GPAT4: variants seen among roughly 807,000 people sequenced by gnomAD.
GPAT4 encodes 1-AGP acyltransferase 6.
GPAT4 carries 17 observed loss-of-function variants against 58.0 expected under a neutral mutation model. That is an observed-to-expected ratio of 0.29 (90% CI 0.20 to 0.44). GPAT4 has a LOEUF of 0.44. GPAT4 is among the 20% of genes least tolerant of loss of function. The pLI is 1.00. For missense variants in GPAT4, 377 were observed against 574.5 expected, an observed-to-expected ratio of 0.66 and a Z score of 3.51; for synonymous variants, 204 against 210.1, an observed-to-expected ratio of 0.97 and a Z score of 0.25.
At chr8:41,603,747 C>T (rs1337394669) in intron 2 of GPAT4, among the ~76,000 whole-genome samples, 1 of 152,084 alleles carries the variant, frequency 6.6e-6, no homozygotes, top group Non-Finnish European at 1.5e-5. Flanking sequence ...TCTCAGGCCG[C>T]TTGCCCCTGG....
chr8:41,610,579 A>C (rs1446904553), intron 4 of GPAT4, 157 bp from the exon 5 acceptor site: 1 of 1,523,556 alleles, frequency 6.6e-7, no homozygotes, highest in Non-Finnish European at 8.8e-7. Context: ...TGGTTCTGAT[A>C]GGCCTGCTTA....
intron 1 of GPAT4, among the ~76,000 whole-genome samples, chr8:41,595,966 A>G (rs1314115689): frequency 1.3e-5 from 2 of 152,060 alleles, no homozygotes; most frequent in African/African-American, 4.8e-5. Context: ...CCAAGTGTCT[A>G]TGAACAGGAA....
In GPAT4 at chr8:41,599,002, G is replaced by A. The variant is rs905943273; in HGVS notation, c.-138G>A. On this transcript the variant is annotated 5_prime_UTR_variant, in exon 2 of 13. It adds an upstream start codon to the 5' untranslated region. Transcript: ENST00000396987. ...GGCCTTCTATTCAGGCGGTTGAAGG[G>A]TGTGGACTTTGGAATGGGGTTTGCT... The A allele has an allele frequency of 2.1e-5, 25 of 1,165,602 alleles. No homozygotes were observed. Among genetic ancestry groups the A allele is most frequent in the Non-Finnish European group, 2.5e-5 (21 of 825,136 alleles). The allele number at this position is 1,165,602 out of a possible 1,614,324, so 72.2% of individuals were successfully genotyped here. A position where few individuals can be genotyped will look rare whatever the true frequency, so the allele number is the denominator to read the frequency against.
chr8:41,587,285 T>G (rs755618233), intron 1 of GPAT4, among the ~76,000 whole-genome samples: 8 of 152,188 alleles, frequency 5.3e-5, no homozygotes, highest in Non-Finnish European at 1.2e-4. Flanking sequence ...GCTCCAGCCA[T>G]TTCAGAGGCA....
At chr8:41,617,817 G>A (rs906045965) in intron 10 of GPAT4, among the ~76,000 whole-genome samples, 17 of 152,188 alleles carry the variant, frequency 1.1e-4, no homozygotes, top group African/African-American at 4.1e-4. Flanking sequence ...TCAGCCTACT[G>A]CCTTGTGTAC....
intron 1 of GPAT4, among the ~76,000 whole-genome samples, chr8:41,588,442 AGTTCT>A (rs57409442): frequency 4.6e-5 from 7 of 151,342 alleles, no homozygotes; most frequent in South Asian, 4.2e-4. Context: ...ATTTAAATTA[AGTTCT>A]GTTCTGTTCT....
Position 41,620,346 on chromosome 8 carries a change from C to CT in GPAT4, c.1263-546dup, listed in dbSNP as rs1391582837. Among the ~76,000 whole-genome samples the CT allele has an allele frequency of 3.9e-5, 6 of 152,280 alleles. No individual in the cohort carries two copies. The South Asian group carries it at 1.0e-3, about 26-fold the overall frequency. On this transcript the variant is annotated intron_variant, in intron 12 of 12. Coordinates refer to ENST00000396987, the MANE Select transcript of GPAT4 (RefSeq NM_178819.4). The stretch of plus-strand genomic sequence containing the variant: ...GCACGGGGGCAGTGAGGCTGGAACT[C>CT]TGAGAGGCAGCCCCGGAGGTAAACC...
chr8:41,614,534 T>C, intron 9 of GPAT4, 93 bp downstream of exon 9: 2 of 1,290,940 alleles, frequency 1.5e-6, no homozygotes, highest in Non-Finnish European at 2.2e-6. Context: ...TCAGCCCTTG[T>C]TGGGGTTATC....
intron 12 of GPAT4, 48 bp downstream of exon 12, chr8:41,619,025 T>A: frequency 6.3e-7 from 1 of 1,592,284 alleles, no homozygotes; most frequent in Non-Finnish European, 8.6e-7. Context: ...CAGCAGATGC[T>A]GTGTCATTGA....
chr8:41,615,119 A>G, intron 10 of GPAT4, 71 bp downstream of exon 10: 2 of 1,395,122 alleles, frequency 1.4e-6, no homozygotes, highest in South Asian at 2.4e-5. Flanking sequence ...AGGAGGAGGT[A>G]GAGGAAGGAG....
chr8:41,614,327 A>G (rs375783931), intron 8 of GPAT4, 59 bp from the exon 9 acceptor site: 207 of 1,411,218 alleles, frequency 1.5e-4, no homozygotes, highest in Middle Eastern at 1.8e-4. Context: ...ATTTATAAAC[A>G]TATTTTGACG....
Position 41,618,981 on chromosome 8 carries a change from A to G in GPAT4, c.1262+4A>G. ...GAGGACTTGTGGACCTGCTGTGGTA[A>G]GTTTAGAGCCAGGCCTTTTCAGCTG... On this transcript the variant is annotated splice_donor_region_variant and intron_variant, in intron 12 of 12. Coordinates refer to ENST00000396987, the MANE Select transcript of GPAT4 (RefSeq NM_178819.4). 2 of 1,614,204 alleles carry G rather than the reference A, an allele frequency of 1.2e-6. No individual in the cohort carries two copies. The highest frequency in any genetic ancestry group is 1.7e-6 in the Non-Finnish European group (2 of 1,180,026).
In GPAT4 at chr8:41,623,838, CT is replaced by C. The variant is rs560229283; in HGVS notation, c.*2852del. On this transcript the variant is annotated 3_prime_UTR_variant, in exon 13 of 13. Coordinates refer to ENST00000396987, the MANE Select transcript of GPAT4 (RefSeq NM_178819.4). ...GACTTTCCACCCACCAGTTAGGGAA[CT>C]TTTTTTTTTTTTTTAAACACGGAGT... The C allele has an allele frequency of 0.062, 8,964 of 144,228 alleles. 309 individuals carry two copies. Among genetic ancestry groups the C allele is most frequent in the African/African-American group, 0.096 (3,820 of 39,602 alleles). 8.9% of individuals were successfully genotyped at this position (144,228 alleles called of 1,614,324 possible). A position where few individuals can be genotyped will look rare whatever the true frequency, so the allele number is the denominator to read the frequency against.
intron 10 of GPAT4, among the ~76,000 whole-genome samples, chr8:41,615,655 G>T (rs1803576672): frequency 6.6e-6 from 1 of 152,120 alleles, no homozygotes; most frequent in South Asian, 2.1e-4. Context: ...TCTGCACATT[G>T]TTCCTCCCCG....
At chr8:41,593,874 G>T (rs1234997601) in intron 1 of GPAT4, among the ~76,000 whole-genome samples, 1 of 152,154 alleles carries the variant, frequency 6.6e-6, no homozygotes, top group Non-Finnish European at 1.5e-5. Flanking sequence ...ATAGTCCTTG[G>T]TGCCTTTCTA....
Position 41,609,743 on chromosome 8 carries a change from A to G in GPAT4, c.324A>G (p.Pro108=), listed in dbSNP as rs1364138852. 4 of 1,614,024 alleles carry G rather than the reference A, an allele frequency of 2.5e-6. No individual in the cohort carries two copies. The highest frequency in any genetic ancestry group is 3.3e-5 in the Admixed American group (2 of 60,008). The part of the protein sequence containing the change: ...SGSSKALDNT[P]EFELSDIFYF... ...GTAGTAAGGCTCTGGACAACACTCC[A>G]GAGTTCGAGCTCTCTGACATTTTCT... The change falls in exon 4 of 13, where the codon CCA becomes CCG. Residue 108 remains proline, a synonymous_variant. Coordinates refer to ENST00000396987, the MANE Select transcript of GPAT4 (RefSeq NM_178819.4).
intron 5 of GPAT4, among the ~76,000 whole-genome samples, chr8:41,611,663 C>G (rs547065842): frequency 6.6e-6 from 1 of 152,272 alleles, no homozygotes; most frequent in Non-Finnish European, 1.5e-5. Flanking sequence ...ATGCCGGATT[C>G]TAGGCTGTGA....
At position 41,608,403 on chromosome 8, in the gene GPAT4, C is replaced by G. The variant is rs1031100524; in HGVS notation, c.166-1013C>G. On this transcript the variant is annotated intron_variant, in intron 2 of 12. Coordinates refer to ENST00000396987, the MANE Select transcript of GPAT4 (RefSeq NM_178819.4). ...AGGTTGAGGCTTTTGAATGCCTGTT[C>G]TGTTTCTCTGACTCACTGTGGACAT... Among the ~76,000 whole-genome samples the G allele has an allele frequency of 2.0e-4, 31 of 152,214 alleles. 1 individual carries two copies. Among genetic ancestry groups the G allele is most frequent in the Admixed American group, 2.0e-3 (30 of 15,286 alleles).
rs62509819 is a variant in GPAT4, at chr8:41,609,665, A to G, written c.246A>G (p.Ala82=). ...LYKPYTNGII[A]KDPTSLEEEI... ...CACATTCTTTTGCAGGAATCATTGC[A>G]AAGGATCCCACTTCACTAGAAGAAG... The change falls in exon 4 of 13, where the codon GCA becomes GCG. Residue 82 remains alanine, a synonymous_variant. Transcript: ENST00000396987. The G allele has an allele frequency of 5.6e-3, 8,979 of 1,611,848 alleles. 23 individuals carry two copies. Among genetic ancestry groups the G allele is most frequent in the Non-Finnish European group, 6.7e-3 (7,893 of 1,178,426 alleles).
Sources: allele counts gnomAD v4.1 joint callset (sites outside exome capture counted in the v4.1 genomes callset), GRCh38; gene constraint gnomAD v4.1.1; transcripts MANE v1.5; gene names NCBI Gene and HGNC (gene_info 2026-07-23, HGNC 2026-07-21).